Variants in PARD3 observed in about 807,000 individuals in gnomAD.
PARD3 encodes par-3 family cell polarity regulator, also known as partitioning defective 3 homolog.
PARD3 carries 75 observed loss-of-function variants against 155.4 expected under a neutral mutation model. The ratio of observed to expected loss-of-function variants is 0.48; its 90% CI spans 0.40 to 0.58. PARD3 has a LOEUF of 0.58. PARD3 is among the 20% of genes least tolerant of loss of function. The pLI, the probability that PARD3 is intolerant of heterozygous loss-of-function variation, is 0.00. For missense variants in PARD3, 1,642 were observed against 1,721.7 expected, an observed-to-expected ratio of 0.95 and a Z score of 0.82; for synonymous variants, 576 against 610.5, an observed-to-expected ratio of 0.94 and a Z score of 0.83.
intron 22 of PARD3, among the ~76,000 whole-genome samples, chr10:34,154,676 C>T (rs1170695222): frequency 3.9e-5 from 6 of 152,108 alleles, no homozygotes; most frequent in Non-Finnish European, 4.4e-5. Flanking sequence ...CTTTCACATA[C>T]CACCTCTCAC....
chr10:34,212,666 G>T (rs919443754), intron 22 of PARD3, among the ~76,000 whole-genome samples: 1 of 151,986 alleles, frequency 6.6e-6, no homozygotes, highest in Admixed American at 6.6e-5. Flanking sequence ...TGGGGCAGGG[G>T]GGGTTCTGAG....
At chr10:34,758,918 G>A (rs1460192377) in intron 1 of PARD3, among the ~76,000 whole-genome samples, 1 of 152,150 alleles carries the variant, frequency 6.6e-6, no homozygotes, top group African/African-American at 2.4e-5. Context: ...ATGATAGATG[G>A]TTGTGTCAGA....
chr10:34,116,881 A>G (rs540400006), intron 24 of PARD3, among the ~76,000 whole-genome samples: 2 of 152,176 alleles, frequency 1.3e-5, no homozygotes, highest in African/African-American at 4.8e-5. Flanking sequence ...GTAAATATAG[A>G]TATCTCTACC....
intron 1 of PARD3, among the ~76,000 whole-genome samples, chr10:34,696,660 T>C (rs903901109): frequency 3.3e-5 from 5 of 151,080 alleles, no homozygotes; most frequent in South Asian, 2.1e-4. Context: ...TCTATTATGA[T>C]AGGAACTGCA....
intron 1 of PARD3, among the ~76,000 whole-genome samples, chr10:34,710,927 G>C (rs2133626905): frequency 6.6e-6 from 1 of 152,172 alleles, no homozygotes; most frequent in South Asian, 2.1e-4. Flanking sequence ...CATAACCTCA[G>C]CACTCCAGGA....
intron 1 of PARD3, among the ~76,000 whole-genome samples, chr10:34,709,473 T>C (rs1005970572): frequency 6.6e-6 from 1 of 152,194 alleles, no homozygotes; most frequent in Non-Finnish European, 1.5e-5. Context: ...ATCTCAAGTA[T>C]TTTAAAGAGA....
intron 22 of PARD3, among the ~76,000 whole-genome samples, chr10:34,199,245 T>C (rs959821844): frequency 1.3e-5 from 2 of 152,180 alleles, no homozygotes; most frequent in African/African-American, 2.4e-5. Flanking sequence ...CTTTGGGAGA[T>C]AGATTTGAGC....
intron 2 of PARD3, among the ~76,000 whole-genome samples, chr10:34,635,163 G>A (rs143567892): frequency 1.3e-5 from 2 of 152,318 alleles, no homozygotes; most frequent in African/African-American, 4.8e-5. Context: ...GAAATGCAGC[G>A]ACGTGTTCAA....
chr10:34,129,899 G>A (rs1367726210), intron 23 of PARD3, among the ~76,000 whole-genome samples: 1 of 149,362 alleles, frequency 6.7e-6, no homozygotes, highest in Non-Finnish European at 1.5e-5. Flanking sequence ...CAAACTCCTG[G>A]GCTCGAGCAA....
intron 5 of PARD3, among the ~76,000 whole-genome samples, chr10:34,414,853 CTAAG>C (rs771717435): frequency 6.6e-6 from 1 of 151,790 alleles, no homozygotes; most frequent in African/African-American, 2.4e-5. Flanking sequence ...AGCAACGTCA[CTAAG>C]TAAGTACTGG....
intron 1 of PARD3, among the ~76,000 whole-genome samples, chr10:34,787,167 G>C (rs894229927): frequency 6.6e-5 from 10 of 152,136 alleles, no homozygotes; most frequent in African/African-American, 2.4e-4. Flanking sequence ...AGATCACGAG[G>C]TCAGGAGTTG....
intron 1 of PARD3, among the ~76,000 whole-genome samples, chr10:34,737,600 A>G (rs1199647745): frequency 6.6e-6 from 1 of 152,174 alleles, no homozygotes; most frequent in Non-Finnish European, 1.5e-5. Context: ...AACAGTAGAG[A>G]GGAGGTGCCT....
At chr10:34,764,021 A>G (rs1228924005) in intron 1 of PARD3, among the ~76,000 whole-genome samples, 1 of 152,208 alleles carries the variant, frequency 6.6e-6, no homozygotes, top group East Asian at 1.9e-4. Flanking sequence ...ACTCAATGGC[A>G]TAAAAAGAAA....
chr10:34,430,064 G>A (rs1029584511), intron 5 of PARD3, among the ~76,000 whole-genome samples: 4 of 152,326 alleles, frequency 2.6e-5, no homozygotes, highest in East Asian at 3.9e-4. Flanking sequence ...AAGCAGCTTA[G>A]CCATAATGCT....
intron 5 of PARD3, among the ~76,000 whole-genome samples, chr10:34,426,464 A>T (rs764208190): frequency 5.3e-4 from 81 of 152,220 alleles, no homozygotes; most frequent in Non-Finnish European, 2.8e-4. Flanking sequence ...TGTAGAAAAG[A>T]GATAAGGAAA....
At chr10:34,561,508 AT>A (rs923723211) in intron 2 of PARD3, among the ~76,000 whole-genome samples, 3 of 151,246 alleles carry the variant, frequency 2.0e-5, no homozygotes, top group Non-Finnish European at 4.4e-5. Context: ...ACGCACATTT[AT>A]TTTTTTTTAA....
chr10:34,312,336 T>G (rs757859994), intron 20 of PARD3: 1 of 1,612,272 alleles, frequency 6.2e-7, no homozygotes, highest in South Asian at 1.1e-5. Context: ...AGACATGTTT[T>G]GAATCGCTTT....
chr10:34,666,873 A>G (rs535457731), intron 2 of PARD3, among the ~76,000 whole-genome samples: 53 of 149,760 alleles, frequency 3.5e-4, no homozygotes, highest in Admixed American at 1.1e-3. Flanking sequence ...TATTTCAGAT[A>G]TATTCTAAAC....
At chr10:34,244,714 G>A (rs1051195844) in intron 22 of PARD3, among the ~76,000 whole-genome samples, 5 of 152,154 alleles carry the variant, frequency 3.3e-5, no homozygotes, top group Non-Finnish European at 7.3e-5. Context: ...TACATGCTGA[G>A]TTCACATGCT....
Sources: gnomAD v4.1 joint callset for allele counts (sites outside exome capture counted in the v4.1 genomes callset) on GRCh38, gnomAD v4.1.1 for gene constraint, MANE v1.5 for transcripts, NCBI Gene and HGNC (gene_info 2026-07-23, HGNC 2026-07-21) for gene names.